Variants in SCAF1 observed in about 807,000 individuals in gnomAD.
SCAF1 encodes SR-related CTD associated factor 1.
SCAF1 carries 28 observed loss-of-function variants against 91.2 expected under a neutral mutation model. That is an observed-to-expected ratio of 0.31 (90% CI 0.23 to 0.42). The LOEUF (loss-of-function observed/expected upper bound fraction) is 0.42. Among genes scored for constraint, SCAF1 ranks in the 10% least tolerant of loss-of-function variants. The pLI, the probability that SCAF1 is intolerant of heterozygous loss-of-function variation, is 1.00. For synonymous variants in SCAF1, 1,036 were observed against 833.7 expected (o/e 1.24, Z -4.18); for missense variants, 1,893 against 1,872.1 (o/e 1.01, Z -0.21).
Position 49,646,491 on chromosome 19 carries a change from C to A in SCAF1, c.262-35C>A. 1 of 1,581,348 alleles carries A rather than the reference C, an allele frequency of 6.3e-7. No homozygotes were observed. Among genetic ancestry groups the A allele is most frequent in the Non-Finnish European group, 8.7e-7 (1 of 1,150,886 alleles). ...CAGGATTTGCCAGTCTTCATGTGAC[C>A]AGGGACGGCGTAGAGCCTCTCTGGC... On this transcript the variant is annotated intron_variant, in intron 4 of 10. Coordinates refer to ENST00000360565, the MANE Select transcript of SCAF1 (RefSeq NM_021228.3). This position sits in a 1 kb window ranked among gnomAD's most constrained non-coding sequence, Gnocchi z 5.6.
chr19:49,658,185 T>TC (rs763751234), intron 10 of SCAF1, 23 bp from the exon 11 acceptor site: 1 of 1,604,058 alleles, frequency 6.2e-7, no homozygotes, highest in South Asian at 1.1e-5. Context: ...TGGTGGTGAC[T>TC]CCAACTGTCC....
chr19:49,649,705 G>C (rs2081074823), intron 6 of SCAF1, among the ~76,000 whole-genome samples: 1 of 151,982 alleles, frequency 6.6e-6, no homozygotes, highest in Non-Finnish European at 1.5e-5. Context: ...ATGTTGGTCA[G>C]GCTGGTCTCG....
At position 49,645,404 on chromosome 19, in the gene SCAF1, T is replaced by C. The variant is rs1475562521; in HGVS notation, c.159T>C (p.Asn53=). 14 of 1,613,654 alleles carry C rather than the reference T, an allele frequency of 8.7e-6. No individual in the cohort carries two copies. Among genetic ancestry groups the C allele is most frequent in the South Asian group, 4.4e-5 (4 of 91,064 alleles). The change falls in exon 3 of 11, where the codon AAT becomes AAC. Residue 53 remains asparagine, a synonymous_variant. Transcript: ENST00000360565. This position sits in a 1 kb window ranked among gnomAD's most constrained non-coding sequence, Gnocchi z 4.6. Reference sequence around the variant, plus strand: ...GCTCCCTGCAGGGGGACCTGCCCAATGATAAAGGTATGGCGGCTTCCGGTT... The same window carrying C: ...GCTCCCTGCAGGGGGACCTGCCCAACGATAAAGGTATGGCGGCTTCCGGTT... The part of the protein sequence containing the change: ...VGSSLQGDLP[N]DKDGSRCHGL...
In SCAF1 at chr19:49,653,477, G is replaced by A; in HGVS notation, c.3088G>A (p.Glu1030Lys). 1.9e-6 allele frequency: 3 copies of A among 1,557,552 alleles called. No individual in the cohort carries two copies. Among genetic ancestry groups the A allele is most frequent in the South Asian group, 2.4e-5 (2 of 82,196 alleles). Residue 1030 changes from glutamate (E) to lysine (K), a missense_variant, in exon 7 of 11, where the codon GAG becomes AAG. By Grantham distance (56) the Glu-to-Lys change is moderately conservative (BLOSUM62 1). Coordinates refer to ENST00000360565, the MANE Select transcript of SCAF1 (RefSeq NM_021228.3). ...GGAGGAGGAGGAGGAGGAAGAAGAA[G>A]AGGAGGAGGAAGAGGAAGAGGAGGA... ...GAEEEEEEEE[E>K]EEEEEEEEEQ...
At position 49,651,909 on chromosome 19, in the gene SCAF1, C is replaced by G. The variant is rs778861535; in HGVS notation, c.1520C>G (p.Pro507Arg). 4 of 1,154,836 alleles carry G rather than the reference C, an allele frequency of 3.5e-6. No homozygotes were observed. Among genetic ancestry groups the G allele is most frequent in the East Asian group, 5.7e-5 (1 of 17,406 alleles). The allele number at this position is 1,154,836 out of a possible 1,614,324, so 71.5% of individuals were successfully genotyped here. Residue 507 changes from proline (P) to arginine (R), a missense_variant, in exon 7 of 11, where the codon CCG (proline) becomes CGG (arginine). By Grantham distance (103) the Pro-to-Arg change is moderately radical. Around this residue, in one of 5 missense-constraint regions of SCAF1, gnomAD observed 1,436 missense variants for 1,306.8 expected, o/e 1.10. Coordinates refer to ENST00000360565, the MANE Select transcript of SCAF1 (RefSeq NM_021228.3). ...RSPSPAPAPAPAAAAGPPTRK... is the reference protein window; with the variant it reads ...RSPSPAPAPARAAAAGPPTRK... The stretch of plus-strand genomic sequence containing the variant: ...CCCTCCCCGGCGCCCGCGCCCGCCC[C>G]GGCCGCCGCTGCTGGTCCGCCCACG...
chr19:49,658,574 GT>G lies in SCAF1; in HGVS notation c.*176del, dbSNP rs774633870. On this transcript the variant is annotated 3_prime_UTR_variant, in exon 11 of 11. Coordinates refer to ENST00000360565, the MANE Select transcript of SCAF1 (RefSeq NM_021228.3). ...GTCCACCTCCCTTGCCCCCAAGCCT[GT>G]CCCCAGTGCCCCTCCCTTCTGTTTG... 22 of 607,458 alleles carry G rather than the reference GT, an allele frequency of 3.6e-5. No homozygotes were observed. The South Asian group carries it at 4.4e-4, about 12-fold the overall frequency. The allele number at this position is 607,458 out of a possible 1,614,324, so 37.6% of individuals were successfully genotyped here. A position where few individuals can be genotyped will look rare whatever the true frequency, so the allele number is the denominator to read the frequency against.
chr19:49,658,100 G>T (rs956446762), intron 10 of SCAF1, 108 bp from the exon 11 acceptor site: 5 of 1,325,460 alleles, frequency 3.8e-6, no homozygotes, highest in Non-Finnish European at 4.2e-6. Flanking sequence ...CTTTGGCCTG[G>T]TTATTGGGGA....
rs1304726576 is a variant in SCAF1 at position 49,642,620 on chromosome 19, CATCTTGAG to C, written c.-7+389_-7+396del. The C allele has an allele frequency of 2.6e-5, 4 of 152,370 alleles. No individual in the cohort carries two copies. The East Asian group carries it at 7.7e-4, about 29-fold the overall frequency. The allele number at this position is 152,370 out of a possible 1,614,324, so 9.4% of individuals were successfully genotyped here. On this transcript the variant is annotated intron_variant, in intron 1 of 10. Transcript: ENST00000360565. The surrounding 1 kb of genome is among the most constrained non-coding windows in gnomAD (Gnocchi z 4.0). ...GGGTCTGGTTAGAGGGTTCTGGGGC[CATCTTGAG>C]ATCTTGAGATATGTCCCAGGGGTGA...
At position 49,646,618 on chromosome 19, in the gene SCAF1, G is replaced by T. The variant is rs2081056935; in HGVS notation, c.354G>T (p.Arg118=). Reference sequence around the variant, plus strand: ...GGGTTCCCAGCCGCCTGGACCTGCGGCCTGGCGAGTGAGTAGCTGGGCAGC... The same window carrying T: ...GGGTTCCCAGCCGCCTGGACCTGCGTCCTGGCGAGTGAGTAGCTGGGCAGC... The part of the protein sequence containing the change: ...DTWVPSRLDL[R]PGESEDMLEL... The change falls in exon 5 of 11, where the codon CGG becomes CGT. Residue 118 remains arginine, a synonymous_variant. Transcript: ENST00000360565. This position sits in a 1 kb window ranked among gnomAD's most constrained non-coding sequence, Gnocchi z 5.6. 6.2e-7 allele frequency: 1 copy of T among 1,614,094 alleles called. No homozygotes were observed. Among genetic ancestry groups the T allele is most frequent in the Non-Finnish European group, 8.5e-7 (1 of 1,179,970 alleles).
rs756011349 is a variant in SCAF1, at chr19:49,653,558, A to C, written c.3169A>C (p.Thr1057Pro). 1.4e-5 allele frequency: 23 copies of C among 1,587,070 alleles called. No individual in the cohort carries two copies. The highest frequency in any genetic ancestry group is 2.0e-5 in the Non-Finnish European group (23 of 1,170,832). ...ATSTAAAAPS[T>P]APSAGSTAGD... is the part of the protein sequence containing the mutation. Reference sequence around the variant, plus strand: ...CAGCACTGCTGCAGCCGCCCCAAGCACTGCCCCCAGCGCGGGGTCCACAGC... The same window carrying C: ...CAGCACTGCTGCAGCCGCCCCAAGCCCTGCCCCCAGCGCGGGGTCCACAGC... Residue 1057 changes from threonine to proline, a missense_variant, in exon 7 of 11, where the codon ACT becomes CCT. Physicochemically the swap from Thr to Pro is conservative, Grantham distance 38 (BLOSUM62 -1). Transcript: ENST00000360565.
intron 9 of SCAF1, among the ~76,000 whole-genome samples, chr19:49,655,915 C>A (rs1057252482): frequency 6.6e-6 from 1 of 152,214 alleles, no homozygotes; most frequent in African/African-American, 2.4e-5. Context: ...AAGTGATTCT[C>A]CCACCTCAGC....
At chr19:49,648,969 C>CA (rs71180644) in intron 6 of SCAF1, among the ~76,000 whole-genome samples, 10,716 of 63,718 alleles carry the variant, frequency 0.17, 545 homozygotes, top group Middle Eastern at 0.23. Flanking sequence ...GACTCCCTCT[C>CA]AAAAAAAAAA....
intron 6 of SCAF1, among the ~76,000 whole-genome samples, chr19:49,649,618 C>T (rs756044994): frequency 6.6e-6 from 1 of 152,180 alleles, no homozygotes; most frequent in East Asian, 1.9e-4. Context: ...GCCTCAGCCT[C>T]CCGAGTAGTT....
At position 49,651,668 on chromosome 19, in the gene SCAF1, C is replaced by A. The variant is rs1319505377; in HGVS notation, c.1279C>A (p.Pro427Thr). ...ARPTPAASAT[P>T]TAQPLPQPPA... ...GCCTACACCGGCCGCCTCGGCCACC[C>A]CCACGGCCCAGCCCCTTCCTCAGCC... Residue 427 changes from proline to threonine, a missense_variant, in exon 7 of 11, where the codon CCC (proline) becomes ACC (threonine). Physicochemically the swap from Pro to Thr is conservative, Grantham distance 38. This residue lies in a region of SCAF1 where 1,436 missense variants were observed against 1,306.8 expected (regional missense o/e 1.10). Coordinates refer to ENST00000360565, the MANE Select transcript of SCAF1 (RefSeq NM_021228.3). 1 of 1,418,212 alleles carries A rather than the reference C, an allele frequency of 7.1e-7. No homozygotes were observed. Among genetic ancestry groups the A allele is most frequent in the Non-Finnish European group, 9.1e-7 (1 of 1,096,394 alleles). 87.9% of individuals were successfully genotyped at this position (1,418,212 alleles called of 1,614,324 possible). A position where few individuals can be genotyped will look rare whatever the true frequency, so the allele number is the denominator to read the frequency against.
intron 6 of SCAF1, among the ~76,000 whole-genome samples, chr19:49,647,397 A>G (rs1237474863): frequency 1.3e-5 from 2 of 152,202 alleles, no homozygotes; most frequent in African/African-American, 2.4e-5. Context: ...CCCACTCCCA[A>G]GAGTTCTGAT....
chr19:49,651,789 C>T lies in SCAF1; in HGVS notation c.1400C>T (p.Ala467Val), dbSNP rs1035195989. The T allele has an allele frequency of 7.0e-6, 9 of 1,282,764 alleles. 1 individual carries two copies. In the East Asian group the frequency reaches 1.1e-4, roughly 15 times the overall value. 79.5% of individuals were successfully genotyped at this position (1,282,764 alleles called of 1,614,324 possible). The change falls in exon 7 of 11, where the codon GCT (alanine) becomes GTT (valine). Residue 467 changes from alanine to valine, a missense_variant. Physicochemically the swap from Ala to Val is moderately conservative, Grantham distance 64. Transcript: ENST00000360565. ...CTGCAGGTGGACCTAGGGGAGCCGG[C>T]TCCCGCGCCGCCCGCCGCCGACTCG... ...GALQVDLGEPAPAPPAADSRW... is the reference protein window; with the variant it reads ...GALQVDLGEPVPAPPAADSRW...
intron 6 of SCAF1, among the ~76,000 whole-genome samples, chr19:49,647,292 C>T (rs976604010): frequency 2.0e-5 from 3 of 152,226 alleles, no homozygotes; most frequent in Admixed American, 6.5e-5. Flanking sequence ...CTTCCTCCAA[C>T]CCCACACACA....
rs1457938361 is a variant in SCAF1, at chr19:49,653,521, C to T, written c.3132C>T (p.Thr1044=). The T allele has an allele frequency of 6.4e-7, 1 of 1,573,680 alleles. No individual in the cohort carries two copies. The highest frequency in any genetic ancestry group is 2.3e-5 in the East Asian group (1 of 44,188). ...AGGAGGAGGAGCAGCAGCCTGCTAC[C>T]ACCACGGCCACCAGCACTGCTGCAG... ...EEEEEEQQPA[T]TTATSTAAAA... is the part of the protein sequence containing the mutation. The change falls in exon 7 of 11, where the codon ACC becomes ACT. Residue 1044 remains threonine, a synonymous_variant. Transcript: ENST00000360565.
rs561831534 is a variant in SCAF1, at chr19:49,651,382, C to A, written c.993C>A (p.Pro331=). The A allele has an allele frequency of 1.2e-6, 2 of 1,607,986 alleles. No individual in the cohort carries two copies. Among genetic ancestry groups the A allele is most frequent in the Non-Finnish European group, 8.5e-7 (1 of 1,179,356 alleles). The change falls in exon 7 of 11, where the codon CCC becomes CCA. Residue 331 remains proline, a synonymous_variant. Transcript: ENST00000360565. ...RPDAQPTQPT[P]APGTPPQVDS... is the part of the protein sequence containing the mutation. ...ACGCGCAGCCCACACAGCCGACTCC[C>A]GCCCCTGGAACGCCGCCCCAGGTGG...
Sources: allele counts gnomAD v4.1 joint callset (sites outside exome capture counted in the v4.1 genomes callset), GRCh38; gene constraint gnomAD v4.1.1; regional missense constraint gnomAD v4.1.1; non-coding constraint Gnocchi (gnomAD v3.1); transcripts MANE v1.5; gene names NCBI Gene and HGNC (gene_info 2026-07-23, HGNC 2026-07-21).